Variants in ZFR observed in about 807,000 individuals in gnomAD.
ZFR encodes the protein zinc finger RNA-binding protein.
Under a neutral mutation model 130.7 loss-of-function variants are expected in ZFR, and 19 were observed. The ratio of observed to expected loss-of-function variants is 0.15; its 90% CI spans 0.10 to 0.21. The LOEUF (loss-of-function observed/expected upper bound fraction) is 0.21, where lower values mean the gene tolerates loss of function less well. Ranked by LOEUF, ZFR falls within the 10% of genes least tolerant of loss-of-function variation. The pLI is 1.00. For synonymous variants in ZFR, 466 were observed against 456.9 expected (o/e 1.02, Z -0.25); for missense variants, 872 against 1,321.5 (o/e 0.66, Z 5.27).
chr5:32,406,824 G>A lies in ZFR; in HGVS notation c.982C>T (p.Pro328Ser). The part of the protein sequence containing the change: ...QLKPKQPPKP[P>S]QIHYCDVCKI... ...CAAACATCACAATAGTGAATCTGTG[G>A]TGGTTTGGGAGGCTGTTTTGGTTTC... is the stretch of plus-strand genomic sequence containing the variant. Residue 328 changes from proline (P) to serine (S), a missense_variant, in exon 6 of 20, where the codon CCA becomes TCA. Pro to Ser is a moderately conservative substitution (Grantham distance 74, BLOSUM62 -1). Around this residue, in one of 7 missense-constraint regions of ZFR, gnomAD observed 240 missense variants for 441.2 expected, o/e 0.54. Transcript: ENST00000265069. 6.2e-7 allele frequency: 1 copy of A among 1,614,086 alleles called. No individual in the cohort carries two copies. Among genetic ancestry groups the A allele is most frequent in the Non-Finnish European group, 8.5e-7 (1 of 1,180,010 alleles).
At chr5:32,397,618 G>T (rs562676971) in intron 9 of ZFR, among the ~76,000 whole-genome samples, 1 of 151,872 alleles carries the variant, frequency 6.6e-6, no homozygotes, top group African/African-American at 2.4e-5. Flanking sequence ...CACCACGACC[G>T]GCTAATTTGT....
chr5:32,403,314 A>C lies in ZFR; in HGVS notation c.1308T>G (p.Ala436=). ...AGGCAGTCGGCTTTGAAGCAGATAC[A>C]GCTGTTGAAGAAGTAGCTTGGCTAA... ...NVVSQATSST[A]VSASKPTASP... The change falls in exon 8 of 20, where the codon GCT becomes GCG. Residue 436 remains alanine (A), a synonymous_variant. Coordinates refer to ENST00000265069, the MANE Select transcript of ZFR (RefSeq NM_016107.5). 6.2e-7 allele frequency: 1 copy of C among 1,614,210 alleles called. No homozygotes were observed. Among genetic ancestry groups the C allele is most frequent in the Non-Finnish European group, 8.5e-7 (1 of 1,180,040 alleles).
chr5:32,423,804 C>T lies in ZFR; in HGVS notation c.138-3701G>A, dbSNP rs570864127. Reference sequence around the variant, plus strand: ...GATCCTGTCTCCAGAGAGGGAAAAACTGGGCACCTGCAACTAAATGAAAAC... The same window carrying T: ...GATCCTGTCTCCAGAGAGGGAAAAATTGGGCACCTGCAACTAAATGAAAAC... On this transcript the variant is annotated intron_variant, in intron 2 of 19. Coordinates refer to ENST00000265069, the MANE Select transcript of ZFR (RefSeq NM_016107.5). 6.6e-5 allele frequency among the ~76,000 whole-genome samples: 10 copies of T among 152,208 alleles called. No individual in the cohort carries two copies. In the Middle Eastern group the frequency reaches 0.01, roughly 155 times the overall value.
At chr5:32,437,367 G>A (rs1754362231) in intron 2 of ZFR, among the ~76,000 whole-genome samples, 1 of 151,904 alleles carries the variant, frequency 6.6e-6, no homozygotes, top group Admixed American at 6.6e-5. Context: ...CCCTACAAAT[G>A]CACTTTAATA....
chr5:32,439,310 T>C (rs1408296154), intron 2 of ZFR, among the ~76,000 whole-genome samples: 3 of 152,246 alleles, frequency 2.0e-5, no homozygotes, highest in Non-Finnish European at 4.4e-5. Context: ...GTTTTTTTAC[T>C]TTCTCAGTGT....
chr5:32,368,456 G>C (rs1163784085), intron 17 of ZFR, among the ~76,000 whole-genome samples: 1 of 152,158 alleles, frequency 6.6e-6, no homozygotes, highest in Non-Finnish European at 1.5e-5. Flanking sequence ...GGCTGGTCTT[G>C]AACTCTTGAC....
intron 5 of ZFR, among the ~76,000 whole-genome samples, chr5:32,411,955 A>G (rs568617400): frequency 5.0e-4 from 76 of 152,166 alleles, no homozygotes; most frequent in Non-Finnish European, 6.6e-4. Flanking sequence ...ATGACTGTAC[A>G]TTGAATAAAA....
At chr5:32,370,819 G>C (rs1310849817) in intron 17 of ZFR, among the ~76,000 whole-genome samples, 4 of 152,162 alleles carry the variant, frequency 2.6e-5, no homozygotes, top group Non-Finnish European at 5.9e-5. Context: ...CATCACCATG[G>C]ATTCATGACA....
intron 17 of ZFR, among the ~76,000 whole-genome samples, chr5:32,365,527 T>A (rs1752522727): frequency 6.6e-6 from 1 of 152,092 alleles, no homozygotes; most frequent in Non-Finnish European, 1.5e-5. Context: ...GACAGCTCAG[T>A]TTATTCCGTT....
intron 4 of ZFR, among the ~76,000 whole-genome samples, chr5:32,415,570 AACAGG>A (rs1377448620): frequency 6.6e-6 from 1 of 151,656 alleles, no homozygotes; most frequent in East Asian, 1.9e-4. Flanking sequence ...TAATATTGGA[AACAGG>A]ACAGAATGAG....
intron 17 of ZFR, among the ~76,000 whole-genome samples, chr5:32,373,817 G>C (rs1752734812): frequency 6.6e-6 from 1 of 152,082 alleles, no homozygotes; most frequent in African/African-American, 2.4e-5. Flanking sequence ...ATATGTAAAT[G>C]ATTTCAAAGA....
chr5:32,423,681 C>T (rs1401605894), intron 2 of ZFR, among the ~76,000 whole-genome samples: 2 of 152,008 alleles, frequency 1.3e-5, no homozygotes, highest in African/African-American at 2.4e-5. Flanking sequence ...CCACTCCTGA[C>T]GTGAACCACG....
intron 2 of ZFR, among the ~76,000 whole-genome samples, chr5:32,422,155 A>G (rs1045505919): frequency 6.6e-6 from 1 of 152,022 alleles, no homozygotes; most frequent in South Asian, 2.1e-4. Context: ...TTAGACAAAA[A>G]GCAGGTGGGA....
intron 8 of ZFR, among the ~76,000 whole-genome samples, chr5:32,402,156 G>A (rs557690486): frequency 3.4e-4 from 48 of 143,062 alleles, no homozygotes; most frequent in Non-Finnish European, 6.2e-4. Flanking sequence ...CCCATTAATA[G>A]AGGCGGACAG....
intron 19 of ZFR, among the ~76,000 whole-genome samples, chr5:32,363,353 G>C (rs111598135): frequency 0.019 from 2,855 of 152,046 alleles, 85 homozygotes; most frequent in African/African-American, 0.066. Context: ...TTAATAAGAT[G>C]ATAATACTAG....
chr5:32,383,242 T>C (rs1752970409), intron 15 of ZFR, among the ~76,000 whole-genome samples: 2 of 152,184 alleles, frequency 1.3e-5, no homozygotes. Context: ...CTTTATCAAA[T>C]GGCAGATGTG....
Position 32,419,932 on chromosome 5 carries a change from A to G in ZFR, c.309T>C (p.Ala103=), listed in dbSNP as rs1561912998. 3 of 1,614,004 alleles carry G rather than the reference A, an allele frequency of 1.9e-6. No individual in the cohort carries two copies. The highest frequency in any genetic ancestry group is 1.7e-5 in the Admixed American group (1 of 60,010). The change falls in exon 3 of 20, where the codon GCT becomes GCC. Residue 103 remains alanine, a synonymous_variant. Coordinates refer to ENST00000265069, the MANE Select transcript of ZFR (RefSeq NM_016107.5). ...APVAVAAAAT[A]AAYGGYPTAH... ...CAGTGGGGTAGCCTCCATAAGCAGC[A>G]GCTGTTGCAGCAGCTGCAACAGCTA...
intron 14 of ZFR, among the ~76,000 whole-genome samples, chr5:32,386,269 G>A (rs1328268393): frequency 6.6e-6 from 1 of 152,022 alleles, no homozygotes; most frequent in African/African-American, 2.4e-5. Context: ...ACCTATTTCT[G>A]TAAGATGGAG....
At chr5:32,372,903 TTA>T (rs1015714248) in intron 17 of ZFR, among the ~76,000 whole-genome samples, 3 of 152,088 alleles carry the variant, frequency 2.0e-5, no homozygotes, top group Admixed American at 6.6e-5. Context: ...GAGGTATACA[TTA>T]TACCTTGTTG....
Sources: allele counts gnomAD v4.1 joint callset (sites outside exome capture counted in the v4.1 genomes callset), GRCh38; gene constraint gnomAD v4.1.1; regional missense constraint gnomAD v4.1.1; transcripts MANE v1.5; gene names NCBI Gene and HGNC (gene_info 2026-07-23, HGNC 2026-07-21).